CCDC191: variants seen among roughly 807,000 people sequenced by gnomAD.
CCDC191 encodes the protein coiled-coil domain-containing protein 191.
CCDC191 carries 99 observed loss-of-function variants against 114.0 expected under a neutral mutation model. The ratio of observed to expected loss-of-function variants is 0.87; its 90% confidence interval spans 0.74 to 1.03. The LOEUF (loss-of-function observed/expected upper bound fraction) is 1.03, where lower values mean the gene tolerates loss of function less well. Ranked by LOEUF, CCDC191 falls within the 50% of genes least tolerant of loss-of-function variation. The pLI, the probability that CCDC191 is intolerant of heterozygous loss-of-function variation, is 0.00. For synonymous variants in CCDC191, 351 were observed against 376.0 expected (o/e 0.93, Z 0.77); for missense variants, 973 against 1,087.0 (o/e 0.90, Z 1.47).
At chr3:113,996,877 G>T (rs772855866) in intron 13 of CCDC191, among the ~76,000 whole-genome samples, 52 of 151,686 alleles carry the variant, frequency 3.4e-4, no homozygotes, top group Non-Finnish European at 6.8e-4. Flanking sequence ...GCTGGGGGGT[G>T]GGGGGCAAGG....
intron 13 of CCDC191, among the ~76,000 whole-genome samples, chr3:113,987,610 G>A (rs144085388): frequency 4.6e-5 from 7 of 152,264 alleles, no homozygotes; most frequent in Admixed American, 1.3e-4. Flanking sequence ...TGTTACCCAC[G>A]CTTGTCTCAA....
At chr3:114,022,619 G>C (rs535752470) in intron 7 of CCDC191, among the ~76,000 whole-genome samples, 4 of 152,108 alleles carry the variant, frequency 2.6e-5, no homozygotes, top group African/African-American at 9.7e-5. Context: ...CTACACCCAG[G>C]CCCCTAAGTG....
At chr3:114,047,161 G>A in intron 2 of CCDC191, 1 of 973,580 alleles carries the variant, frequency 1.0e-6, no homozygotes, top group Non-Finnish European at 1.2e-6. Flanking sequence ...TACTCCTGAA[G>A]GAAATCTCCC....
At chr3:114,042,031 T>G (rs2076569069) in intron 4 of CCDC191, among the ~76,000 whole-genome samples, 1 of 152,178 alleles carries the variant, frequency 6.6e-6, no homozygotes, top group African/African-American at 2.4e-5. Context: ...ACCTCCCTTA[T>G]AAGTAATAAC....
At chr3:114,010,129 C>T (rs2076043878) in intron 9 of CCDC191, among the ~76,000 whole-genome samples, 1 of 151,168 alleles carries the variant, frequency 6.6e-6, no homozygotes, top group Admixed American at 6.6e-5. Context: ...TTTAGAAGAA[C>T]AGTAAGTATT....
At chr3:113,975,630 G>A (rs562896477) in intron 16 of CCDC191, among the ~76,000 whole-genome samples, 1 of 152,302 alleles carries the variant, frequency 6.6e-6, no homozygotes, top group East Asian at 1.9e-4. Context: ...AGTCTTAAGT[G>A]CTGTGAAGGA....
chr3:114,040,802 A>G lies in CCDC191; in HGVS notation c.415+1901T>C, dbSNP rs560148550. ...TAATGTAATTCCTGATAAAGCTTAC[A>G]CTTATCATTTTGGTATTTGTTTTCT... On this transcript the variant is annotated intron_variant, in intron 4 of 16. Coordinates refer to ENST00000295878, the MANE Select transcript of CCDC191 (RefSeq NM_020817.2). Among the ~76,000 whole-genome samples the G allele has an allele frequency of 5.7e-4, 87 of 152,202 alleles. No individual in the cohort carries two copies. In the Middle Eastern group the frequency reaches 0.01, roughly 18 times the overall value.
At chr3:114,006,609 T>A (rs1230402323) in intron 9 of CCDC191, among the ~76,000 whole-genome samples, 3 of 135,156 alleles carry the variant, frequency 2.2e-5, no homozygotes, top group African/African-American at 5.9e-5. Flanking sequence ...TATATATATA[T>A]ATATATATAA....
intron 8 of CCDC191, among the ~76,000 whole-genome samples, chr3:114,014,732 G>A (rs1339727098): frequency 6.6e-6 from 1 of 152,074 alleles, no homozygotes; most frequent in Non-Finnish European, 1.5e-5. Context: ...TAATGGAGGT[G>A]GGACCCATGA....
intron 3 of CCDC191, among the ~76,000 whole-genome samples, chr3:114,045,425 G>A (rs185976157): frequency 2.6e-5 from 4 of 152,188 alleles, no homozygotes; most frequent in Admixed American, 2.6e-4. Flanking sequence ...AGGCTGGAGT[G>A]CAGTGGCAAG....
intron 13 of CCDC191, among the ~76,000 whole-genome samples, chr3:113,994,296 G>C (rs1340645382): frequency 6.6e-6 from 1 of 152,154 alleles, no homozygotes; most frequent in Non-Finnish European, 1.5e-5. Flanking sequence ...AGGATTCTTA[G>C]CATTATTTGT....
At chr3:114,036,367 G>C (rs770107060) in intron 5 of CCDC191, among the ~76,000 whole-genome samples, 13 of 152,010 alleles carry the variant, frequency 8.6e-5, no homozygotes, top group Non-Finnish European at 1.5e-4. Flanking sequence ...AATACTCTTG[G>C]TCAAAATCAA....
intron 13 of CCDC191, among the ~76,000 whole-genome samples, chr3:113,987,061 C>T (rs573008958): frequency 5.3e-5 from 8 of 149,860 alleles, no homozygotes; most frequent in Non-Finnish European, 8.9e-5. Context: ...GTAAGAATTA[C>T]AGTAGATGTC....
intron 8 of CCDC191, among the ~76,000 whole-genome samples, chr3:114,012,498 C>A (rs572817537): frequency 4.1e-4 from 63 of 152,102 alleles, no homozygotes; most frequent in African/African-American, 1.5e-3. Context: ...AAACAAATAT[C>A]TGAGACTGAA....
rs767720916 is a variant in CCDC191, at chr3:113,978,951, CT to C, written c.2366del (p.Gln789ArgfsTer34). On this transcript the variant is annotated frameshift_variant, in exon 15 of 17. Transcript: ENST00000295878. LOFTEE classifies it high-confidence loss of function. ...TTCTAGCCAGACTTTCCTGACTACG[CT>C]GGAACCACGTCAGCATGTATTTCCT... Reference protein sequence around the residue: ...LQRKYMLTWFQRSQESLARKM... With the variant: ...LQRKYMLTWFXRSQESLARKM... The C allele has an allele frequency of 2.8e-5, 45 of 1,614,068 alleles. 1 individual carries two copies. The East Asian group carries it at 3.6e-4, about 13-fold the overall frequency.
At chr3:113,978,804 T>G in intron 15 of CCDC191, 54 bp downstream of exon 15, 3 of 1,561,732 alleles carry the variant, frequency 1.9e-6, no homozygotes, top group Non-Finnish European at 2.6e-6. Flanking sequence ...TTAGTTTTCT[T>G]AAATAGAATT....
intron 16 of CCDC191, among the ~76,000 whole-genome samples, chr3:113,968,997 T>C (rs994497785): frequency 3.3e-5 from 5 of 152,150 alleles, no homozygotes; most frequent in African/African-American, 4.8e-5. Context: ...CCAGTCATGA[T>C]GGAAGGGGAG....
Position 114,042,817 on chromosome 3 carries a change from T to G in CCDC191, c.301A>C (p.Thr101Pro), listed in dbSNP as rs2076581359. 1.9e-6 allele frequency: 3 copies of G among 1,603,774 alleles called. No individual in the cohort carries two copies. Among genetic ancestry groups the G allele is most frequent in the Non-Finnish European group, 2.6e-6 (3 of 1,176,446 alleles). The change falls in exon 4 of 17, where the codon ACC becomes CCC. Residue 101 changes from threonine to proline, a missense_variant. Thr to Pro is a conservative substitution (Grantham distance 38, BLOSUM62 -1). Coordinates refer to ENST00000295878, the MANE Select transcript of CCDC191 (RefSeq NM_020817.2). ...CTTGCTAATTCTTGCTTAAGTTTGG[T>G]GTCTAACCAGTCATTGACCAGCTCC... is the stretch of plus-strand genomic sequence containing the variant. The part of the protein sequence containing the change: ...AQELVNDWLD[T>P]KLKQELASEE...
chr3:114,026,785 T>C (rs185968701), intron 7 of CCDC191, among the ~76,000 whole-genome samples: 132 of 152,376 alleles, frequency 8.7e-4, no homozygotes, highest in Non-Finnish European at 1.6e-3. Context: ...ATAACTTTAA[T>C]GATGATTTCT....
Sources: allele counts gnomAD v4.1 joint callset (sites outside exome capture counted in the v4.1 genomes callset), GRCh38; gene constraint gnomAD v4.1.1; transcripts MANE v1.5; gene names NCBI Gene and HGNC (gene_info 2026-07-23, HGNC 2026-07-21).